Variants in MYT1L observed in about 807,000 individuals in gnomAD.
MYT1L encodes the protein myelin transcription factor 1-like protein.
Under a neutral mutation model 126.7 loss-of-function variants are expected in MYT1L, and 12 were observed. The observed-to-expected ratio is 0.09, with a 90% confidence interval of 0.06 to 0.15. The LOEUF is 0.15. Among genes scored for constraint, MYT1L ranks in the 10% least tolerant of loss-of-function variants. MYT1L has a pLI of 1.00. For synonymous variants in MYT1L, 541 were observed against 604.2 expected (o/e 0.90, Z 1.53); for missense variants, 979 against 1,585.2 (o/e 0.62, Z 6.49).
intron 1 of MYT1L, chr2:2,325,527 T>C (rs555490711): frequency 1.1e-4 from 16 of 152,366 alleles, no homozygotes; most frequent in African/African-American, 3.8e-4. Context: ...CTGATGTTCA[T>C]TAGCATTTTT....
intron 3 of MYT1L, among the ~76,000 whole-genome samples, chr2:2,166,853 A>T (rs1056183599): frequency 6.6e-6 from 1 of 152,120 alleles, no homozygotes; most frequent in African/African-American, 2.4e-5. Flanking sequence ...AAGCAAATAC[A>T]TATGTTTGTG....
intron 4 of MYT1L, among the ~76,000 whole-genome samples, chr2:2,042,017 AC>A (rs1331529461): frequency 6.6e-6 from 1 of 152,122 alleles, no homozygotes; most frequent in Non-Finnish European, 1.5e-5. Flanking sequence ...TGTTTTCAAG[AC>A]GGTAGATAGC....
chr2:2,088,481 C>T (rs995576858), intron 3 of MYT1L, among the ~76,000 whole-genome samples: 5 of 152,100 alleles, frequency 3.3e-5, no homozygotes, highest in Non-Finnish European at 4.4e-5. Flanking sequence ...ATCACTAGAG[C>T]GACCAGTGGA....
chr2:1,912,432 T>A lies in MYT1L; in HGVS notation c.1619-322A>T, dbSNP rs1295535426. Among the ~76,000 whole-genome samples the A allele has an allele frequency of 6.6e-6, 1 of 152,096 alleles. No homozygotes were observed. Among genetic ancestry groups the A allele is most frequent in the African/African-American group, 2.4e-5 (1 of 41,428 alleles). ...GCGCTGGAGCCAGGAGCTGGGGAGT[T>A]CAGAGAACACAGAACTGACTCTTTC... On this transcript the variant is annotated intron_variant, in intron 11 of 24. Transcript: ENST00000647738. This position sits in a 1 kb window ranked among gnomAD's most constrained non-coding sequence, Gnocchi z 4.3.
chr2:1,992,607 G>A (rs1340123518), intron 5 of MYT1L, among the ~76,000 whole-genome samples: 2 of 152,206 alleles, frequency 1.3e-5, no homozygotes, highest in Admixed American at 6.5e-5. Flanking sequence ...GACTGACACA[G>A]TGAAAGAGAT....
chr2:2,024,918 G>A (rs1192671705), intron 4 of MYT1L, among the ~76,000 whole-genome samples: 1 of 152,220 alleles, frequency 6.6e-6, no homozygotes, highest in Non-Finnish European at 1.5e-5. Flanking sequence ...AGCTCCCACC[G>A]CGTGGACGCG....
chr2:2,069,964 T>A (rs1202964513), intron 3 of MYT1L, among the ~76,000 whole-genome samples: 1 of 149,370 alleles, frequency 6.7e-6, no homozygotes, highest in Non-Finnish European at 1.5e-5. Flanking sequence ...AAAGAAGACA[T>A]TTATGCAGCC....
At chr2:1,822,174 C>T (rs549399155) in intron 21 of MYT1L, among the ~76,000 whole-genome samples, 83 of 152,310 alleles carry the variant, frequency 5.4e-4, no homozygotes, top group Non-Finnish European at 1.0e-3. Flanking sequence ...GCCATGTGTG[C>T]TTGGGCTGGG....
At chr2:2,106,282 A>C (rs925761800) in intron 3 of MYT1L, among the ~76,000 whole-genome samples, 1 of 152,210 alleles carries the variant, frequency 6.6e-6, no homozygotes, top group Admixed American at 6.5e-5. Context: ...ATGAGGCTGG[A>C]CATTTAGTAT....
intron 3 of MYT1L, among the ~76,000 whole-genome samples, chr2:2,096,954 G>T (rs76481104): frequency 0.043 from 6,535 of 152,186 alleles, 209 homozygotes; most frequent in Non-Finnish European, 0.066. Context: ...GTGGGCTAGG[G>T]GGCCCAGCTC....
chr2:2,243,659 A>G (rs2094478651), intron 2 of MYT1L, among the ~76,000 whole-genome samples: 1 of 152,202 alleles, frequency 6.6e-6, no homozygotes, highest in African/African-American at 2.4e-5. Context: ...CTCAATCCAC[A>G]CTGCTTTTAT....
chr2:1,817,103 A>G (rs1414098840), intron 21 of MYT1L: 2 of 152,192 alleles, frequency 1.3e-5, no homozygotes, highest in Non-Finnish European at 2.9e-5. Context: ...AAAAAGGCCC[A>G]TTTTCTCATG....
intron 4 of MYT1L, among the ~76,000 whole-genome samples, chr2:2,031,076 A>G (rs2066185502): frequency 6.6e-6 from 1 of 152,230 alleles, no homozygotes; most frequent in Non-Finnish European, 1.5e-5. Context: ...TGTTTACTCT[A>G]ATTTCAGCAA....
intron 18 of MYT1L, among the ~76,000 whole-genome samples, chr2:1,881,655 G>A (rs997671763): frequency 6.6e-6 from 1 of 152,158 alleles, no homozygotes; most frequent in Non-Finnish European, 1.5e-5. Context: ...AGGAGTGGGC[G>A]TGTCAGCTTT....
Position 2,214,984 on chromosome 2 carries a change from T to G in MYT1L, c.-420-41996A>C, listed in dbSNP as rs552984571. Among the ~76,000 whole-genome samples, 59 of 152,350 alleles carry G rather than the reference T, an allele frequency of 3.9e-4. No individual in the cohort carries two copies. In the South Asian group the frequency reaches 8.9e-3, roughly 23 times the overall value. On this transcript the variant is annotated intron_variant, in intron 2 of 24. Coordinates refer to ENST00000647738, the MANE Select transcript of MYT1L (RefSeq NM_001303052.2). ...CATTGTAAGATTCTTATACTACATG[T>G]GAAGTGGTATAATACAACTTAATGG...
intron 2 of MYT1L, among the ~76,000 whole-genome samples, chr2:2,226,175 C>T (rs959936265): frequency 6.6e-6 from 1 of 152,110 alleles, no homozygotes; most frequent in African/African-American, 2.4e-5. Flanking sequence ...CTTGCTGCAC[C>T]CCAAAACTCT....
intron 4 of MYT1L, among the ~76,000 whole-genome samples, chr2:2,043,827 C>A (rs908372499): frequency 6.6e-6 from 1 of 152,190 alleles, no homozygotes; most frequent in Non-Finnish European, 1.5e-5. Context: ...TCAAATTGTT[C>A]ATACCATGAC....
chr2:2,301,825 TAAA>T (rs375520368), intron 1 of MYT1L, among the ~76,000 whole-genome samples: 6 of 96,896 alleles, frequency 6.2e-5, no homozygotes, highest in Admixed American at 2.4e-4. Context: ...CCTGTCTGTC[TAAA>T]AAAAAAAAAA....
chr2:2,088,779 T>C (rs978302281), intron 3 of MYT1L, among the ~76,000 whole-genome samples: 2 of 152,206 alleles, frequency 1.3e-5, no homozygotes, highest in African/African-American at 4.8e-5. Flanking sequence ...AGTCAGCAAT[T>C]TGAACGAACA....
Sources: gnomAD v4.1 joint callset for allele counts (sites outside exome capture counted in the v4.1 genomes callset) on GRCh38, gnomAD v4.1.1 for gene constraint, Gnocchi (gnomAD v3.1) non-coding constraint, MANE v1.5 for transcripts, NCBI Gene and HGNC (gene_info 2026-07-23, HGNC 2026-07-21) for gene names.